EML5: variants seen among roughly 807,000 people sequenced by gnomAD.
EML5 encodes EMAP like 5.
Under a neutral mutation model 250.0 loss-of-function variants are expected in EML5, and 120 were observed. That is an observed-to-expected ratio of 0.48 (90% confidence interval 0.41 to 0.56). EML5 has a LOEUF of 0.56. Ranked by LOEUF, EML5 falls within the 20% of genes least tolerant of loss-of-function variation. The pLI is 0.00. For missense variants in EML5, 2,006 were observed against 2,437.6 expected (o/e 0.82, Z 3.73); for synonymous variants, 771 against 806.5 (o/e 0.96, Z 0.75).
intron 21 of EML5, among the ~76,000 whole-genome samples, chr14:88,667,320 G>C (rs2141006904): frequency 6.6e-6 from 1 of 152,184 alleles, no homozygotes; most frequent in East Asian, 1.9e-4. Flanking sequence ...GTTTGTTGGA[G>C]GTTAACTTTA....
chr14:88,740,599 T>C (rs769638543), intron 4 of EML5, 27 bp from the exon 5 acceptor site: 1 of 1,497,996 alleles, frequency 6.7e-7, no homozygotes, highest in Non-Finnish European at 9.0e-7. Flanking sequence ...ATAATCAAAT[T>C]ACCAAAGAAT....
intron 21 of EML5, among the ~76,000 whole-genome samples, chr14:88,679,103 A>G (rs1163468434): frequency 2.0e-5 from 3 of 150,400 alleles, no homozygotes; most frequent in Non-Finnish European, 3.0e-5. Context: ...CTGTGTTCCT[A>G]TATCTTCACA....
chr14:88,731,947 T>C (rs1025052969), intron 7 of EML5, among the ~76,000 whole-genome samples: 1 of 152,226 alleles, frequency 6.6e-6, no homozygotes, highest in African/African-American at 2.4e-5. Context: ...TTGAGTTCTT[T>C]GTAAATTCTG....
Position 88,723,533 on chromosome 14 carries a change from G to A in EML5, c.1187+3008C>T, listed in dbSNP as rs143629819. ...GTAAGTTCTGAAGATATACTGTATG[G>A]CACAGTGATTAGAGTTAATAATAAT... On this transcript the variant is annotated intron_variant, in intron 8 of 43. Coordinates refer to ENST00000554922, the MANE Select transcript of EML5 (RefSeq NM_183387.3). Among the ~76,000 whole-genome samples the A allele has an allele frequency of 5.7e-4, 86 of 152,182 alleles. No homozygotes were observed. In the East Asian group the frequency reaches 6.0e-3, roughly 11 times the overall value.
At chr14:88,747,052 A>T (rs544796222) in intron 2 of EML5, among the ~76,000 whole-genome samples, 1 of 152,256 alleles carries the variant, frequency 6.6e-6, no homozygotes, top group African/African-American at 2.4e-5. Flanking sequence ...AAGTACCGCA[A>T]CTTTGATCTA....
At chr14:88,639,076 A>C (rs962148621) in intron 31 of EML5, among the ~76,000 whole-genome samples, 169 bp from the exon 32 acceptor site, 4 of 152,250 alleles carry the variant, frequency 2.6e-5, no homozygotes, top group African/African-American at 9.6e-5. Context: ...ATTCAGAATT[A>C]TGTAATGGGA....
Position 88,616,233 on chromosome 14 carries a change from T to G in EML5, c.5806A>C (p.Lys1936Gln). Residue 1936 changes from lysine to glutamine, a missense_variant, in exon 43 of 44, where the codon AAA (lysine) becomes CAA (glutamine). This residue lies in a region of EML5 where 56 missense variants were observed against 55.1 expected (regional missense o/e 1.02). Coordinates refer to ENST00000554922, the MANE Select transcript of EML5 (RefSeq NM_183387.3). Reference protein sequence around the residue: ...FPCPEKFAKHKRFLGHSPHVT... With the variant: ...FPCPEKFAKHQRFLGHSPHVT... ...TGGGGCGAATGACCCAAGAACCTTT[T>G]GTGTTTTGCCTAAAAAACAATGACA... 6.2e-7 allele frequency: 1 copy of G among 1,613,872 alleles called. No homozygotes were observed. The highest frequency in any genetic ancestry group is 8.5e-7 in the Non-Finnish European group (1 of 1,179,752).
At chr14:88,623,012 T>A in intron 36 of EML5, 2 of 194,454 alleles carry the variant, frequency 1.0e-5, no homozygotes, top group African/African-American at 2.7e-5. Context: ...TCCTCTCTCA[T>A]AATACTTTTT....
At chr14:88,763,994 T>C (rs958234022) in intron 1 of EML5, among the ~76,000 whole-genome samples, 6 of 152,224 alleles carry the variant, frequency 3.9e-5, no homozygotes, top group East Asian at 3.8e-4. Context: ...ACTACTGAGA[T>C]AGTCACCTGG....
chr14:88,714,332 T>C (rs8020072), intron 9 of EML5, among the ~76,000 whole-genome samples: 36,110 of 151,978 alleles, frequency 0.24, 4,483 homozygotes, highest in East Asian at 0.37. Context: ...GCCAAAGCAG[T>C]TTTAATTAAG....
At chr14:88,722,973 T>C (rs539162443) in intron 8 of EML5, among the ~76,000 whole-genome samples, 3 of 152,280 alleles carry the variant, frequency 2.0e-5, no homozygotes, top group South Asian at 2.1e-4. Context: ...AGAATCTGTA[T>C]GTAACACAGC....
intron 1 of EML5, among the ~76,000 whole-genome samples, chr14:88,756,303 C>T (rs1023796154): frequency 2.0e-5 from 3 of 152,038 alleles, no homozygotes; most frequent in Non-Finnish European, 4.4e-5. Flanking sequence ...TTGACAAAAC[C>T]CAATCCCTTC....
intron 6 of EML5, 82 bp from the exon 7 acceptor site, chr14:88,736,647 G>C (rs2093844678): frequency 7.3e-7 from 1 of 1,371,268 alleles, no homozygotes; most frequent in Non-Finnish European, 1.0e-6. Flanking sequence ...TATGCAGATA[G>C]GGGCAAGTCC....
At chr14:88,741,841 T>C (rs2093929213) in intron 4 of EML5, among the ~76,000 whole-genome samples, 1 of 152,164 alleles carries the variant, frequency 6.6e-6, no homozygotes, top group African/African-American at 2.4e-5. Context: ...TAAAATAATT[T>C]ATTATCATAT....
In EML5 at chr14:88,615,637, T is replaced by C. The variant is rs760068564; in HGVS notation, c.*181A>G. 2.2e-5 allele frequency: 13 copies of C among 586,528 alleles called. No individual in the cohort carries two copies. The highest frequency in any genetic ancestry group is 3.9e-5 in the Non-Finnish European group (13 of 336,704). The allele number at this position is 586,528 out of a possible 1,614,324, so 36.3% of individuals were successfully genotyped here. A position where few individuals can be genotyped will look rare whatever the true frequency, so the allele number is the denominator to read the frequency against. ...CTGGCAGTGTATGGATTACGGATTA[T>C]ACCCAGTGCATATAGCAAATATTTT... On this transcript the variant is annotated 3_prime_UTR_variant, in exon 44 of 44. Coordinates refer to ENST00000554922, the MANE Select transcript of EML5 (RefSeq NM_183387.3).
At chr14:88,638,430 C>T (rs1157607581) in intron 32 of EML5, among the ~76,000 whole-genome samples, 1 of 152,204 alleles carries the variant, frequency 6.6e-6, no homozygotes, top group Non-Finnish European at 1.5e-5. Context: ...GGTTCTACCC[C>T]GCCCAGTCTA....
At chr14:88,659,609 C>T (rs976376490) in intron 25 of EML5, among the ~76,000 whole-genome samples, 1 of 152,136 alleles carries the variant, frequency 6.6e-6, no homozygotes, top group African/African-American at 2.4e-5. Context: ...TCTTGCTACA[C>T]TAAGGTGAAA....
Position 88,618,630 on chromosome 14 carries a change from A to G in EML5, c.5538+20T>C. The stretch of plus-strand genomic sequence containing the variant: ...AAGCAGAAGAACTTGCCACCTGGGT[A>G]TACAGTATTGGTACTGTACCTGGAG... On this transcript the variant is annotated intron_variant, in intron 40 of 43. Transcript: ENST00000554922. The G allele has an allele frequency of 1.3e-6, 2 of 1,598,242 alleles. No individual in the cohort carries two copies. The highest frequency in any genetic ancestry group is 1.7e-6 in the Non-Finnish European group (2 of 1,173,210).
At chr14:88,682,568 C>G (rs1373632904) in intron 20 of EML5, among the ~76,000 whole-genome samples, 1 of 152,174 alleles carries the variant, frequency 6.6e-6, no homozygotes, top group East Asian at 1.9e-4. Context: ...CCCTCCTCAT[C>G]TGGTTGGAAA....
Sources: allele counts gnomAD v4.1 joint callset (sites outside exome capture counted in the v4.1 genomes callset), GRCh38; gene constraint gnomAD v4.1.1; regional missense constraint gnomAD v4.1.1; transcripts MANE v1.5; gene names NCBI Gene and HGNC (gene_info 2026-07-23, HGNC 2026-07-21).